The following EXOC4 variants were observed in gnomAD, a reference collection of about 807,000 sequenced individuals.
EXOC4 encodes the protein SEC8-like 1.
A neutral mutation model predicts 107.2 loss-of-function variants in EXOC4; 71 were observed. The ratio of observed to expected loss-of-function variants is 0.66; its 90% CI spans 0.55 to 0.81. The LOEUF (loss-of-function observed/expected upper bound fraction) is 0.81, where lower values mean the gene tolerates loss of function less well. EXOC4 is among the 30% of genes least tolerant of loss of function. EXOC4 has a pLI of 0.00. For synonymous variants in EXOC4, 456 were observed against 441.2 expected, an observed-to-expected ratio of 1.03 and a Z score of -0.42; for missense variants, 1,108 against 1,189.6, an observed-to-expected ratio of 0.93 and a Z score of 1.01.
At chr7:133,927,864 C>A (rs1259607186) in intron 13 of EXOC4, among the ~76,000 whole-genome samples, 1 of 152,160 alleles carries the variant, frequency 6.6e-6, no homozygotes, top group East Asian at 1.9e-4. Context: ...ACTGGAGACT[C>A]AGCTGCAAAC....
chr7:133,987,687 A>G (rs1252357801), intron 14 of EXOC4, among the ~76,000 whole-genome samples: 1 of 152,214 alleles, frequency 6.6e-6, no homozygotes, highest in Non-Finnish European at 1.5e-5. Context: ...TCTATCTTCT[A>G]GAAAGTTTGA....
rs6974328 is a variant in EXOC4 at position 133,371,459 on chromosome 7, C to A, written c.1008-3369C>A. Among the ~76,000 whole-genome samples the A allele has an allele frequency of 6.1e-3, 931 of 151,978 alleles. 8 individuals are homozygous for A. Among genetic ancestry groups the A allele is most frequent in the African/African-American group, 0.022 (902 of 41,480 alleles). ...TTTGTGTCTCTATAAATTTGCCTAT[C>A]CTGAATATTTTATATAACTATAATC... On this transcript the variant is annotated intron_variant, in intron 6 of 17. Coordinates refer to ENST00000253861, the MANE Select transcript of EXOC4 (RefSeq NM_021807.4).
At chr7:133,419,172 TGGTTTCAATTTG>T (rs1797546697) in intron 7 of EXOC4, among the ~76,000 whole-genome samples, 1 of 152,012 alleles carries the variant, frequency 6.6e-6, no homozygotes, top group Admixed American at 6.6e-5. Flanking sequence ...AATAACAAGG[TGGTTTCAATTTG>T]AGAGACATTA....
intron 10 of EXOC4, among the ~76,000 whole-genome samples, chr7:133,806,102 A>G (rs1187280618): frequency 6.6e-6 from 1 of 152,250 alleles, no homozygotes. Flanking sequence ...GACCTGGAAC[A>G]CTAACATAGT....
At chr7:133,895,496 A>C in intron 11 of EXOC4, 103 bp from the exon 12 acceptor site, 39 of 1,130,830 alleles carry the variant, frequency 3.4e-5, no homozygotes, top group Non-Finnish European at 4.0e-5. Context: ...TTCTTGCAGG[A>C]GAGCTCAGGT....
chr7:134,050,880 G>A (rs1468918104), intron 17 of EXOC4, among the ~76,000 whole-genome samples: 2 of 152,096 alleles, frequency 1.3e-5, no homozygotes, highest in Non-Finnish European at 2.9e-5. Flanking sequence ...AAGAACTGGG[G>A]GTTAGTCTAG....
chr7:133,818,850 A>G (rs1000348490), intron 11 of EXOC4, among the ~76,000 whole-genome samples: 3 of 152,048 alleles, frequency 2.0e-5, no homozygotes, highest in African/African-American at 7.2e-5. Context: ...CACCAGCCCC[A>G]TCCATTGTCA....
chr7:133,828,473 T>C (rs1411488765), intron 11 of EXOC4, among the ~76,000 whole-genome samples: 1 of 152,158 alleles, frequency 6.6e-6, no homozygotes, highest in Non-Finnish European at 1.5e-5. Flanking sequence ...CTAAGCAGTT[T>C]TTGCCCTATG....
In EXOC4 at chr7:133,615,162, G is replaced by C. The variant is rs553747450; in HGVS notation, c.1418-14883G>C. ...GAAAAAGCATCTGTAAAGTTGCACT[G>C]AGTATGCCTGACTCTCCGGCCTCCC... On this transcript the variant is annotated intron_variant, in intron 9 of 17. Transcript: ENST00000253861. Among the ~76,000 whole-genome samples, 100 of 152,116 alleles carry C rather than the reference G, an allele frequency of 6.6e-4. 1 individual carries two copies. Among genetic ancestry groups the C allele is most frequent in the African/African-American group, 2.3e-3 (96 of 41,534 alleles).
chr7:133,635,444 C>T (rs1468318538), intron 10 of EXOC4, among the ~76,000 whole-genome samples: 1 of 152,128 alleles, frequency 6.6e-6, no homozygotes, highest in African/African-American at 2.4e-5. Context: ...TTTGTTAGTA[C>T]AGTTCTTTCA....
At chr7:133,660,517 C>T (rs890610604) in intron 10 of EXOC4, among the ~76,000 whole-genome samples, 1 of 152,056 alleles carries the variant, frequency 6.6e-6, no homozygotes, top group African/African-American at 2.4e-5. Context: ...TATAGCACAA[C>T]GTGTCTTGTT....
At chr7:134,026,350 G>A (rs1023046445) in intron 17 of EXOC4, among the ~76,000 whole-genome samples, 21 of 151,678 alleles carry the variant, frequency 1.4e-4, no homozygotes, top group African/African-American at 5.1e-4. Context: ...AAGGACTCTT[G>A]ATGGGCTCTG....
chr7:133,742,059 G>A (rs1175159870), intron 10 of EXOC4, among the ~76,000 whole-genome samples: 1 of 152,176 alleles, frequency 6.6e-6, no homozygotes, highest in Admixed American at 6.5e-5. Context: ...CACTTTGTAG[G>A]TACTAAACTA....
At chr7:133,695,480 T>C (rs1278930393) in intron 10 of EXOC4, among the ~76,000 whole-genome samples, 1 of 152,146 alleles carries the variant, frequency 6.6e-6, no homozygotes. Flanking sequence ...ATTATATGTC[T>C]AGCATTTTTT....
rs556073014 is a variant in EXOC4, at chr7:133,902,803, C to T, written c.1871+7068C>T. On this transcript the variant is annotated intron_variant, in intron 12 of 17. Transcript: ENST00000253861. ...CCGGGAGGCAGAGGTTGCAGTGAGCCGAGATTGCGCCACTGCACTCCAGCC... is the reference window on the plus strand; with the variant it reads ...CCGGGAGGCAGAGGTTGCAGTGAGCTGAGATTGCGCCACTGCACTCCAGCC... Among the ~76,000 whole-genome samples the T allele has an allele frequency of 1.8e-4, 27 of 151,372 alleles. No homozygotes were observed. In the South Asian group the frequency reaches 5.4e-3, roughly 31 times the overall value.
chr7:133,540,110 C>G (rs966053379), intron 9 of EXOC4, among the ~76,000 whole-genome samples: 2 of 152,176 alleles, frequency 1.3e-5, no homozygotes, highest in Admixed American at 6.5e-5. Flanking sequence ...AAGGAAGGCA[C>G]TAGATAAACA....
chr7:133,963,083 G>A (rs986461189), intron 14 of EXOC4, among the ~76,000 whole-genome samples: 1 of 152,244 alleles, frequency 6.6e-6, no homozygotes, highest in Admixed American at 6.5e-5. Context: ...CCCGAGCAAA[G>A]GAAGGGAGTA....
intron 9 of EXOC4, among the ~76,000 whole-genome samples, chr7:133,511,587 C>T (rs779613464): frequency 1.4e-4 from 21 of 152,200 alleles, no homozygotes; most frequent in Admixed American, 3.3e-4. Context: ...TTCTCAGTTG[C>T]CTTCAGCTCA....
At chr7:134,000,397 G>T (rs576480530) in intron 15 of EXOC4, among the ~76,000 whole-genome samples, 1 of 152,194 alleles carries the variant, frequency 6.6e-6, no homozygotes, top group African/African-American at 2.4e-5. Context: ...AGAGACCATC[G>T]AGCAGCTCTT....
Sources: gnomAD v4.1 joint callset for allele counts (sites outside exome capture counted in the v4.1 genomes callset) on GRCh38, gnomAD v4.1.1 for gene constraint, MANE v1.5 for transcripts, NCBI Gene and HGNC (gene_info 2026-07-23, HGNC 2026-07-21) for gene names.